The following TAPT1 variants were observed in gnomAD, a reference collection of about 807,000 sequenced individuals.
TAPT1 encodes transmembrane anterior posterior transformation 1, also known as transmembrane anterior posterior transformation protein 1 homolog.
In TAPT1, 28 loss-of-function variants were observed where a neutral mutation model predicts 65.6. The ratio of observed to expected loss-of-function variants is 0.43; its 90% CI spans 0.32 to 0.59. The LOEUF is 0.59. Ranked by LOEUF, TAPT1 falls within the 20% of genes least tolerant of loss-of-function variation. The pLI is 0.09. For synonymous variants in TAPT1, 278 were observed against 245.2 expected (o/e 1.13, Z -1.25); for missense variants, 563 against 679.9 (o/e 0.83, Z 1.91).
intron 1 of TAPT1, among the ~76,000 whole-genome samples, chr4:16,222,442 TC>T (rs1354959439): frequency 2.6e-5 from 4 of 152,248 alleles, no homozygotes; most frequent in Non-Finnish European, 5.9e-5. Flanking sequence ...TTTTTATTTT[TC>T]TTTGTGAACA....
chr4:16,227,208 G>A (rs1303377616), upstream of TAPT1: 4 of 455,612 alleles, frequency 8.8e-6, no homozygotes, highest in Admixed American at 4.7e-5. Context: ...GGCCGCGGCC[G>A]GACCGGCAGA....
intron 2 of TAPT1, among the ~76,000 whole-genome samples, chr4:16,204,852 C>T (rs1403717760): frequency 6.6e-6 from 1 of 152,240 alleles, no homozygotes; most frequent in African/African-American, 2.4e-5. Flanking sequence ...GCCTCACTCA[C>T]CACTGGATTT....
At chr4:16,227,185 C>T (rs1394382013), upstream of TAPT1, 1 of 455,832 alleles carries the variant, frequency 2.2e-6, no homozygotes, top group South Asian at 1.5e-5. Context: ...CAGGTGGGGA[C>T]GCGCAGGGGA....
chr4:16,226,104 C>T (rs1751538054), intron 1 of TAPT1, 155 bp downstream of exon 1: 3 of 1,027,942 alleles, frequency 2.9e-6, no homozygotes, highest in South Asian at 4.6e-5. Context: ...GGAGCCTCGG[C>T]AGCCTCGGCG....
chr4:16,212,009 G>A (rs1750675191), intron 2 of TAPT1, among the ~76,000 whole-genome samples: 1 of 152,188 alleles, frequency 6.6e-6, no homozygotes, highest in African/African-American at 2.4e-5. Flanking sequence ...GTTGCCTTAA[G>A]AGAAAGAAAG....
chr4:16,173,323 G>A (rs1425250463), intron 11 of TAPT1, among the ~76,000 whole-genome samples: 1 of 152,154 alleles, frequency 6.6e-6, no homozygotes, highest in Non-Finnish European at 1.5e-5. Context: ...TTGCAAGCCT[G>A]TTGTGGGCAA....
upstream of TAPT1, chr4:16,227,022 A>G (rs1304874388): frequency 1.5e-5 from 7 of 453,298 alleles, no homozygotes; most frequent in African/African-American, 1.4e-4. Flanking sequence ...GCTCCAGATC[A>G]CCGACCCCCA....
At chr4:16,183,428 C>T (rs1748831342) in intron 7 of TAPT1, among the ~76,000 whole-genome samples, 1 of 151,918 alleles carries the variant, frequency 6.6e-6, no homozygotes, top group African/African-American at 2.4e-5. Context: ...TTTCTTAAAA[C>T]TCAAATATTG....
At chr4:16,188,812 C>G (rs934296274) in intron 4 of TAPT1, among the ~76,000 whole-genome samples, 3 of 151,824 alleles carry the variant, frequency 2.0e-5, no homozygotes, top group African/African-American at 7.3e-5. Flanking sequence ...CCCAGCTACT[C>G]GGGAGGCTGA....
chr4:16,226,001 C>A lies in TAPT1; in HGVS notation c.199+258G>T, dbSNP rs369738317. On this transcript the variant is annotated intron_variant, in intron 1 of 13. Coordinates refer to ENST00000405303, the MANE Select transcript of TAPT1 (RefSeq NM_153365.3). ...AGGACCCGGACAGAACTTTCCCGGCCGCAGACCCCTTCTAGGGCACACCTG... is the reference window on the plus strand; with the variant it reads ...AGGACCCGGACAGAACTTTCCCGGCAGCAGACCCCTTCTAGGGCACACCTG... 5.0e-5 allele frequency: 50 copies of A among 999,720 alleles called. 1 individual carries two copies. In the East Asian group the frequency reaches 3.1e-3, roughly 62 times the overall value. 61.9% of individuals were successfully genotyped at this position (999,720 alleles called of 1,614,324 possible).
chr4:16,176,624 A>C (rs1319736414), intron 8 of TAPT1: 1 of 154,088 alleles, frequency 6.5e-6, no homozygotes, highest in Admixed American at 6.5e-5. Context: ...TGAATCCAGG[A>C]GGTGGAGGTT....
chr4:16,174,441 A>G (rs1291445509), intron 10 of TAPT1, 169 bp from the exon 11 acceptor site: 1 of 711,034 alleles, frequency 1.4e-6, no homozygotes, highest in East Asian at 2.8e-5. Flanking sequence ...ACAAGTCTTA[A>G]ATACAAAGTT....
chr4:16,172,048 G>A (rs1361854258), intron 11 of TAPT1, among the ~76,000 whole-genome samples: 1 of 152,162 alleles, frequency 6.6e-6, no homozygotes, highest in Non-Finnish European at 1.5e-5. Context: ...GGCACACGAC[G>A]AAGCTCTGTG....
rs186456009 is a variant in TAPT1, at chr4:16,213,774, C to T, written c.324G>A (p.Leu108=). The T allele has an allele frequency of 1.1e-5, 17 of 1,560,218 alleles. No homozygotes were observed. In the East Asian group the frequency reaches 3.8e-4, roughly 35 times the overall value. The change falls in exon 2 of 14, where the codon TTG becomes TTA. Residue 108 remains leucine, a synonymous_variant. Transcript: ENST00000405303. ...AATGAAGAAAAAATAGTACCTTTTC[C>T]AATTCTCTTGGTATTCGCAAACAAG... ...VYTCLRIPRE[L]EKLMVFGIFL... is the part of the protein sequence containing the mutation.
Position 16,226,250 on chromosome 4 carries a change from C to G in TAPT1, c.199+9G>C, listed in dbSNP as rs1020791071. 6.3e-6 allele frequency: 7 copies of G among 1,118,442 alleles called. No individual in the cohort carries two copies. The highest frequency in any genetic ancestry group is 5.0e-5 in the Admixed American group (1 of 20,008). 69.3% of individuals were successfully genotyped at this position (1,118,442 alleles called of 1,614,324 possible). ...GGAGCCCGCCACGGCCTAGCGCCGC[C>G]CGCCTCACCTGTGCGGCCCCGGCGC... On this transcript the variant is annotated intron_variant, in intron 1 of 13. Transcript: ENST00000405303.
rs1247335309 is a variant in TAPT1, at chr4:16,161,107, ATAATC to A, written c.*2196_*2200del. The A allele has an allele frequency of 2.6e-5, 4 of 152,670 alleles. No individual in the cohort carries two copies. Among genetic ancestry groups the A allele is most frequent in the Non-Finnish European group, 4.4e-5 (3 of 68,044 alleles). 9.5% of individuals were successfully genotyped at this position (152,670 alleles called of 1,614,324 possible). A position where few individuals can be genotyped will look rare whatever the true frequency, so the allele number is the denominator to read the frequency against. On this transcript the variant is annotated 3_prime_UTR_variant, in exon 14 of 14. Transcript: ENST00000405303. ...TTTGCTGAGAAATATTAAATGGTCT[ATAATC>A]AAGGCCGAGCCTATTTTTTCCAAAG...
chr4:16,164,408 C>T (rs923711337), intron 13 of TAPT1, among the ~76,000 whole-genome samples: 1 of 152,186 alleles, frequency 6.6e-6, no homozygotes, highest in African/African-American at 2.4e-5. Flanking sequence ...CACCCTCCTG[C>T]ATGTTCTCCA....
intron 1 of TAPT1, among the ~76,000 whole-genome samples, chr4:16,220,622 G>A (rs1049553620): frequency 7.2e-5 from 11 of 151,946 alleles, no homozygotes; most frequent in Non-Finnish European, 1.3e-4. Flanking sequence ...GGTGGTGCAC[G>A]CCTGCAGTCC....
intron 2 of TAPT1, among the ~76,000 whole-genome samples, chr4:16,207,621 G>A (rs1750424234): frequency 1.3e-5 from 2 of 152,160 alleles, no homozygotes; most frequent in Non-Finnish European, 2.9e-5. Flanking sequence ...TAAAACCCAA[G>A]AGAGATCTGA....
Sources: gnomAD v4.1 joint callset for allele counts (sites outside exome capture counted in the v4.1 genomes callset) on GRCh38, gnomAD v4.1.1 for gene constraint, MANE v1.5 for transcripts, NCBI Gene and HGNC (gene_info 2026-07-23, HGNC 2026-07-21) for gene names.